CNTNAP2: variants seen among roughly 807,000 people sequenced by gnomAD.
The protein encoded by CNTNAP2 is contactin-associated protein-like 2.
CNTNAP2 carries 98 observed loss-of-function variants against 155.2 expected under a neutral mutation model. That is an observed-to-expected ratio of 0.63 (90% CI 0.54 to 0.75). CNTNAP2 has a LOEUF of 0.75. Among genes scored for constraint, CNTNAP2 ranks in the 30% least tolerant of loss-of-function variants. The pLI is 0.00. For missense variants in CNTNAP2, 1,727 were observed against 1,688.1 expected, an observed-to-expected ratio of 1.02 and a Z score of -0.40; for synonymous variants, 651 against 631.2, an observed-to-expected ratio of 1.03 and a Z score of -0.47.
intron 1 of CNTNAP2, among the ~76,000 whole-genome samples, chr7:146,160,686 G>A (rs1305042486): frequency 2.0e-5 from 3 of 152,038 alleles, no homozygotes; most frequent in Non-Finnish European, 2.9e-5. Context: ...CCAATAACAG[G>A]TTCTGAAATT....
At chr7:146,428,641 G>A (rs1796128271) in intron 1 of CNTNAP2, among the ~76,000 whole-genome samples, 1 of 151,382 alleles carries the variant, frequency 6.6e-6, no homozygotes, top group South Asian at 2.1e-4. Context: ...TGTAGCCTCT[G>A]TATATTAGAC....
intron 9 of CNTNAP2, among the ~76,000 whole-genome samples, chr7:147,303,328 G>A (rs1232241288): frequency 6.6e-6 from 1 of 152,204 alleles, no homozygotes; most frequent in Non-Finnish European, 1.5e-5. Flanking sequence ...TGTTGATTCA[G>A]TGAATTAAGT....
chr7:148,025,607 C>A (rs540128850), intron 15 of CNTNAP2, among the ~76,000 whole-genome samples: 1 of 152,208 alleles, frequency 6.6e-6, no homozygotes, highest in Admixed American at 6.5e-5. Context: ...CAAATACTTC[C>A]TGTTACCTTA....
intron 9 of CNTNAP2, among the ~76,000 whole-genome samples, chr7:147,393,848 A>C (rs1222838692): frequency 6.6e-6 from 1 of 152,048 alleles, no homozygotes. Flanking sequence ...AATAGGAAAT[A>C]ATATATACCT....
intron 22 of CNTNAP2, among the ~76,000 whole-genome samples, chr7:148,385,244 A>G (rs182248572): frequency 9.3e-4 from 141 of 152,288 alleles, no homozygotes; most frequent in African/African-American, 3.2e-3. Context: ...TTCCTCACAC[A>G]TGGATTCCTA....
chr7:148,411,230 T>A (rs1799830434), intron 23 of CNTNAP2, among the ~76,000 whole-genome samples: 1 of 152,120 alleles, frequency 6.6e-6, no homozygotes, highest in Non-Finnish European at 1.5e-5. Flanking sequence ...TGAAGTATAA[T>A]ACGCATCTAT....
chr7:146,838,139 A>G (rs749071029), intron 2 of CNTNAP2, among the ~76,000 whole-genome samples: 3 of 152,098 alleles, frequency 2.0e-5, no homozygotes, highest in Non-Finnish European at 4.4e-5. Context: ...CGTTTCAATG[A>G]CACTACTGCA....
chr7:148,396,907 G>T (rs1188870637), intron 22 of CNTNAP2, among the ~76,000 whole-genome samples: 4 of 152,122 alleles, frequency 2.6e-5, no homozygotes, highest in African/African-American at 9.7e-5. Flanking sequence ...TTTAAACATA[G>T]AAAATAAGAT....
chr7:148,265,689 A>G (rs1355525757), intron 20 of CNTNAP2, among the ~76,000 whole-genome samples: 2 of 152,184 alleles, frequency 1.3e-5, no homozygotes, highest in South Asian at 4.1e-4. Context: ...TTTTTGTGGC[A>G]ATACTACTCA....
intron 3 of CNTNAP2, among the ~76,000 whole-genome samples, chr7:146,889,598 C>T (rs900974629): frequency 2.0e-5 from 3 of 152,102 alleles, no homozygotes; most frequent in African/African-American, 4.8e-5. Flanking sequence ...ATAAAATGTA[C>T]ATTTCCATTA....
At chr7:146,572,261 T>C (rs1798452272) in intron 1 of CNTNAP2, among the ~76,000 whole-genome samples, 2 of 87,478 alleles carry the variant, frequency 2.3e-5, no homozygotes, top group Admixed American at 3.6e-4. Flanking sequence ...ATATTTCTGT[T>C]GTCTTTTTTT....
At chr7:146,605,936 A>T (rs935984022) in intron 1 of CNTNAP2, among the ~76,000 whole-genome samples, 13 of 152,162 alleles carry the variant, frequency 8.5e-5, no homozygotes, top group African/African-American at 3.1e-4. Flanking sequence ...TGAGAATAAG[A>T]TTTCCATTGA....
chr7:146,801,147 GTGCAGGTACATCACA>G (rs1483820852), intron 2 of CNTNAP2, among the ~76,000 whole-genome samples: 1 of 152,170 alleles, frequency 6.6e-6, no homozygotes, highest in African/African-American at 2.4e-5. Flanking sequence ...GGATGAAGGG[GTGCAGGTACATCACA>G]TGATGACAGA....
chr7:147,744,288 A>G (rs75201990), intron 13 of CNTNAP2, among the ~76,000 whole-genome samples: 32,334 of 152,126 alleles, frequency 0.21, 3,627 homozygotes, highest in Middle Eastern at 0.39. Context: ...TACAAACTAC[A>G]GAACATTTAA....
At chr7:147,370,943 C>T (rs1796329421) in intron 9 of CNTNAP2, among the ~76,000 whole-genome samples, 1 of 152,038 alleles carries the variant, frequency 6.6e-6, no homozygotes, top group South Asian at 2.1e-4. Context: ...TTTCTGGGAA[C>T]ATTGCTTATA....
Position 146,213,005 on chromosome 7 carries a change from T to C in CNTNAP2, c.97+96032T>C, listed in dbSNP as rs575155154. ...TGAAAGTCTAAAGTGCTCTCAACAGTGTAGCCCCTTATGCCATTGGACGGC... is the reference window on the plus strand; with the variant it reads ...TGAAAGTCTAAAGTGCTCTCAACAGCGTAGCCCCTTATGCCATTGGACGGC... On this transcript the variant is annotated intron_variant, in intron 1 of 23. Transcript: ENST00000361727. Among the ~76,000 whole-genome samples, 5 of 152,328 alleles carry C rather than the reference T, an allele frequency of 3.3e-5. No individual in the cohort carries two copies. The East Asian group carries it at 9.6e-4, about 29-fold the overall frequency.
intron 13 of CNTNAP2, among the ~76,000 whole-genome samples, chr7:147,827,301 C>T (rs186437070): frequency 6.6e-6 from 1 of 152,268 alleles, no homozygotes; most frequent in Admixed American, 6.5e-5. Context: ...CTTCCCTCTG[C>T]ATGGTGTCAA....
intron 15 of CNTNAP2, among the ~76,000 whole-genome samples, chr7:148,015,471 G>C (rs918730084): frequency 2.9e-4 from 44 of 152,294 alleles, no homozygotes; most frequent in Non-Finnish European, 2.1e-4. Flanking sequence ...AGGAAGGCGG[G>C]CATCGGCGAG....
rs140316376 is a variant in CNTNAP2, at chr7:146,939,447, C to T, written c.402+99543C>T. Among the ~76,000 whole-genome samples, 343 of 152,292 alleles carry T rather than the reference C, an allele frequency of 2.3e-3. 3 individuals are homozygous for T. The highest frequency in any genetic ancestry group is 1.1e-3 in the Non-Finnish European group (73 of 68,012). ...AATAATGAAGGCGACATTAAAACTTCGGGTTTTTTTATTTTTACTTCTTTC... is the reference window on the plus strand; with the variant it reads ...AATAATGAAGGCGACATTAAAACTTTGGGTTTTTTTATTTTTACTTCTTTC... On this transcript the variant is annotated intron_variant, in intron 3 of 23. Transcript: ENST00000361727.
Sources: gnomAD v4.1 joint callset for allele counts (sites outside exome capture counted in the v4.1 genomes callset) on GRCh38, gnomAD v4.1.1 for gene constraint, MANE v1.5 for transcripts, NCBI Gene and HGNC (gene_info 2026-07-23, HGNC 2026-07-21) for gene names.